GRID2: variants seen among roughly 807,000 people sequenced by gnomAD.
GRID2 encodes glutamate receptor ionotropic, delta-2.
A neutral mutation model predicts 114.8 loss-of-function variants in GRID2; 33 were observed. The observed-to-expected ratio is 0.29, with a 90% CI of 0.22 to 0.38. The LOEUF (loss-of-function observed/expected upper bound fraction) is 0.38. Ranked by LOEUF, GRID2 falls within the 10% of genes least tolerant of loss-of-function variation. GRID2 has a pLI of 1.00. For synonymous variants in GRID2, 505 were observed against 449.9 expected (o/e 1.12, Z -1.55); for missense variants, 1,184 against 1,257.7 (o/e 0.94, Z 0.89).
chr4:92,518,692 A>G (rs1295137080), intron 1 of GRID2, among the ~76,000 whole-genome samples: 1 of 152,030 alleles, frequency 6.6e-6, no homozygotes, highest in African/African-American at 2.4e-5. Context: ...AGTGTAATTT[A>G]CCACAGTTAA....
At chr4:92,404,747 G>A (rs1479137568) in intron 1 of GRID2, among the ~76,000 whole-genome samples, 1 of 152,098 alleles carries the variant, frequency 6.6e-6, no homozygotes, top group Non-Finnish European at 1.5e-5. Flanking sequence ...GGATGGAGCT[G>A]GAAGCCATTA....
chr4:93,144,529 G>A (rs969668011), intron 4 of GRID2, among the ~76,000 whole-genome samples: 2 of 152,168 alleles, frequency 1.3e-5, no homozygotes, highest in African/African-American at 2.4e-5. Flanking sequence ...TGTGATTCAG[G>A]AGAGCCAGGC....
intron 14 of GRID2, among the ~76,000 whole-genome samples, chr4:93,663,530 G>A (rs1466950684): frequency 6.6e-6 from 1 of 152,130 alleles, no homozygotes; most frequent in African/African-American, 2.4e-5. Flanking sequence ...GTGTGTCTGT[G>A]TGTGTTTGTG....
chr4:92,988,588 A>T (rs1754651713), intron 2 of GRID2, among the ~76,000 whole-genome samples: 1 of 152,110 alleles, frequency 6.6e-6, no homozygotes. Context: ...ATTGGGGACA[A>T]TCCTACAGGC....
intron 1 of GRID2, among the ~76,000 whole-genome samples, chr4:92,517,396 A>G (rs973667946): frequency 1.3e-5 from 2 of 152,090 alleles, no homozygotes; most frequent in Admixed American, 6.6e-5. Context: ...CTGGTAAACA[A>G]AAATGAAAGT....
intron 13 of GRID2, among the ~76,000 whole-genome samples, chr4:93,529,436 G>A (rs1486556223): frequency 6.6e-6 from 1 of 152,182 alleles, no homozygotes; most frequent in Non-Finnish European, 1.5e-5. Context: ...GCCCACGGCA[G>A]AACTACCTAA....
chr4:93,525,966 TCAA>T (rs1730847629), intron 13 of GRID2, among the ~76,000 whole-genome samples: 3 of 152,328 alleles, frequency 2.0e-5, no homozygotes, highest in Non-Finnish European at 4.4e-5. Context: ...GTTCTTACTC[TCAA>T]AGTTACTTCC....
chr4:93,227,097 A>G (rs1745570455), intron 7 of GRID2, among the ~76,000 whole-genome samples: 1 of 152,226 alleles, frequency 6.6e-6, no homozygotes, highest in Non-Finnish European at 1.5e-5. Flanking sequence ...TGAGGGCAGC[A>G]GCAGCTTCAA....
chr4:92,443,462 A>C (rs529113805), intron 1 of GRID2, among the ~76,000 whole-genome samples: 3 of 151,888 alleles, frequency 2.0e-5, no homozygotes, highest in East Asian at 3.9e-4. Context: ...GGAAGCCTAG[A>C]GAAAAGAGAG....
In GRID2 at chr4:93,238,506, C is replaced by A; in HGVS notation, c.1245+16C>A. The A allele has an allele frequency of 1.2e-6, 2 of 1,602,526 alleles. No homozygotes were observed. Among genetic ancestry groups the A allele is most frequent in the Non-Finnish European group, 1.7e-6 (2 of 1,171,258 alleles). ...TGTTCGAAAAGTAAGACAAGACACA[C>A]TGATTAATACGCTTTTTCCTATACT... On this transcript the variant is annotated intron_variant, in intron 8 of 15. Coordinates refer to ENST00000282020, the MANE Select transcript of GRID2 (RefSeq NM_001510.4).
chr4:92,956,314 T>A (rs939348528), intron 2 of GRID2, among the ~76,000 whole-genome samples: 5 of 152,316 alleles, frequency 3.3e-5, no homozygotes, highest in Admixed American at 2.0e-4. Context: ...ACATTTTTAA[T>A]GACATATATG....
At chr4:92,441,203 G>T (rs111822243) in intron 1 of GRID2, among the ~76,000 whole-genome samples, 35 of 152,122 alleles carry the variant, frequency 2.3e-4, no homozygotes, top group African/African-American at 7.2e-4. Context: ...AGGTGTTTGG[G>T]TTTGAGAGAT....
intron 2 of GRID2, among the ~76,000 whole-genome samples, chr4:93,041,314 C>CT (rs1371091589): frequency 6.6e-6 from 1 of 152,052 alleles, no homozygotes; most frequent in East Asian, 1.9e-4. Flanking sequence ...GCTTAGATTT[C>CT]TTTTTTCTCA....
At chr4:93,716,963 A>T (rs1464480297) in intron 14 of GRID2, among the ~76,000 whole-genome samples, 2 of 152,152 alleles carry the variant, frequency 1.3e-5, no homozygotes, top group Non-Finnish European at 2.9e-5. Context: ...TTTTACCTAT[A>T]TTTAAAAAGT....
chr4:93,164,320 A>G (rs986906932), intron 4 of GRID2, among the ~76,000 whole-genome samples: 1 of 152,086 alleles, frequency 6.6e-6, no homozygotes, highest in Non-Finnish European at 1.5e-5. Context: ...GAGAATGAAG[A>G]GCAGATGTAA....
chr4:92,372,367 CTTGTT>C (rs917795110), intron 1 of GRID2, among the ~76,000 whole-genome samples: 4 of 152,034 alleles, frequency 2.6e-5, no homozygotes, highest in African/African-American at 7.2e-5. Flanking sequence ...TCATTGTTAT[CTTGTT>C]TTAAGAAATT....
Position 92,709,584 on chromosome 4 carries a change from A to AT in GRID2, c.244+119298_244+119299insT, listed in dbSNP as rs1560545274. ...AAAATAGTGTAGAGAAAAAAAAAAA[A>AT]AAAAAATATATATATATATATATAT... is the stretch of plus-strand genomic sequence containing the variant. On this transcript the variant is annotated intron_variant, in intron 2 of 15. Coordinates refer to ENST00000282020, the MANE Select transcript of GRID2 (RefSeq NM_001510.4). Among the ~76,000 whole-genome samples the AT allele has an allele frequency of 3.5e-3, 456 of 130,848 alleles. 2 individuals are homozygous for AT. The highest frequency in any genetic ancestry group is 0.012 in the African/African-American group (399 of 33,036). The allele number at this position is 130,848 out of a possible 152,430, so 85.8% of individuals were successfully genotyped here.
chr4:93,017,083 C>A (rs937823932), intron 2 of GRID2, among the ~76,000 whole-genome samples: 1 of 152,074 alleles, frequency 6.6e-6, no homozygotes, highest in East Asian at 1.9e-4. Context: ...GTCAATAATT[C>A]TTTAATCCCC....
At chr4:93,598,259 C>G (rs148627494) in intron 13 of GRID2, among the ~76,000 whole-genome samples, 1 of 152,180 alleles carries the variant, frequency 6.6e-6, no homozygotes, top group Admixed American at 6.5e-5. Context: ...TTCCATTCCA[C>G]ATAGGCAATC....
Sources: gnomAD v4.1 joint callset for allele counts (sites outside exome capture counted in the v4.1 genomes callset) on GRCh38, gnomAD v4.1.1 for gene constraint, MANE v1.5 for transcripts, NCBI Gene and HGNC (gene_info 2026-07-23, HGNC 2026-07-21) for gene names.